Variants in NOVA1 observed in about 807,000 individuals in gnomAD.
NOVA1 encodes RNA-binding protein Nova-1.
In NOVA1, 7 loss-of-function variants were observed where a neutral mutation model predicts 38.0. The ratio of observed to expected loss-of-function variants is 0.18; its 90% CI spans 0.10 to 0.35. NOVA1 has a LOEUF of 0.35. Ranked by LOEUF, NOVA1 falls within the 10% of genes least tolerant of loss-of-function variation. The pLI is 1.00. For missense variants in NOVA1, 460 were observed against 616.0 expected (o/e 0.75, Z 2.68); for synonymous variants, 270 against 232.5 (o/e 1.16, Z -1.47).
At chr14:26,596,106 G>T in intron 1 of NOVA1, 1 of 234,090 alleles carries the variant, frequency 4.3e-6, no homozygotes. Context: ...CAAACTGTGG[G>T]GTGTATTCCA....
chr14:26,537,324 G>T (rs1436963188), intron 2 of NOVA1, among the ~76,000 whole-genome samples: 1 of 151,754 alleles, frequency 6.6e-6, no homozygotes, highest in Non-Finnish European at 1.5e-5. Context: ...AATCAAACTA[G>T]AAATAAACTT....
At chr14:26,572,773 T>A (rs1892572024) in intron 2 of NOVA1, among the ~76,000 whole-genome samples, 1 of 151,636 alleles carries the variant, frequency 6.6e-6, no homozygotes, top group African/African-American at 2.4e-5. Context: ...TGTATGTGTG[T>A]CTGTACGTTT....
At chr14:26,450,986 A>T (rs1306219468) in intron 4 of NOVA1, among the ~76,000 whole-genome samples, 1 of 152,138 alleles carries the variant, frequency 6.6e-6, no homozygotes, top group Non-Finnish European at 1.5e-5. Flanking sequence ...CTTTTAAAAG[A>T]GCTAGTCTTA....
At chr14:26,585,591 A>C (rs893994049) in intron 2 of NOVA1, among the ~76,000 whole-genome samples, 17 of 151,490 alleles carry the variant, frequency 1.1e-4, no homozygotes, top group Admixed American at 1.1e-3. Flanking sequence ...ACATATGGCC[A>C]TGTGGCCATA....
intron 2 of NOVA1, among the ~76,000 whole-genome samples, chr14:26,535,476 T>C (rs1047091000): frequency 2.6e-5 from 4 of 152,162 alleles, no homozygotes; most frequent in Admixed American, 1.3e-4. Context: ...GTAGATACTT[T>C]ACAATACAGA....
intron 4 of NOVA1, among the ~76,000 whole-genome samples, chr14:26,464,151 C>T (rs1566443582): frequency 6.6e-6 from 1 of 152,138 alleles, no homozygotes; most frequent in African/African-American, 2.4e-5. Context: ...CTTTATCATA[C>T]ATTAAGTTCC....
In NOVA1 at chr14:26,522,014, A is replaced by G. The variant is rs147478287; in HGVS notation, c.281-41871T>C. On this transcript the variant is annotated intron_variant, in intron 2 of 4. Transcript: ENST00000539517. ...ATTGTTCACCTGTTAATACTGATCT[A>G]GAATGAAATCTTATGTATTTTATTT... is the stretch of plus-strand genomic sequence containing the variant. Among the ~76,000 whole-genome samples, 128 of 152,232 alleles carry G rather than the reference A, an allele frequency of 8.4e-4. 1 individual carries two copies. Among genetic ancestry groups the G allele is most frequent in the African/African-American group, 2.9e-3 (122 of 41,572 alleles).
At chr14:26,591,631 T>A (rs1308489434) in intron 2 of NOVA1, among the ~76,000 whole-genome samples, 5 of 151,646 alleles carry the variant, frequency 3.3e-5, no homozygotes, top group Non-Finnish European at 7.4e-5. Context: ...TGTTTTAAAT[T>A]CATTATCTCC....
chr14:26,478,926 A>T (rs1885210424), intron 3 of NOVA1: 1 of 151,862 alleles, frequency 6.6e-6, no homozygotes. Context: ...TATATTGCCT[A>T]ATTATCAATT....
intron 1 of NOVA1, chr14:26,596,750 G>A (rs547342257): frequency 1.6e-6 from 2 of 1,259,768 alleles, no homozygotes; most frequent in South Asian, 2.6e-5. Flanking sequence ...TGAAATATTT[G>A]CACCGACAAT....
intron 2 of NOVA1, among the ~76,000 whole-genome samples, chr14:26,530,076 C>T (rs577711695): frequency 4.8e-4 from 73 of 152,244 alleles, no homozygotes; most frequent in Admixed American, 1.9e-3. Context: ...CCCGCCACCA[C>T]GCCTGGCTAA....
chr14:26,515,123 T>C (rs948227060), intron 2 of NOVA1, among the ~76,000 whole-genome samples: 3 of 152,076 alleles, frequency 2.0e-5, no homozygotes, highest in Non-Finnish European at 2.9e-5. Flanking sequence ...ATTTACTATA[T>C]TGAACCATGA....
At chr14:26,472,451 A>C in intron 3 of NOVA1, 60 bp from the exon 4 acceptor site, 1 of 625,528 alleles carries the variant, frequency 1.6e-6, no homozygotes, top group Non-Finnish European at 2.5e-6. Flanking sequence ...CTGATTATTT[A>C]AATAAAACAA....
At chr14:26,595,023 C>T (rs538276970) in intron 2 of NOVA1, among the ~76,000 whole-genome samples, 1 of 152,004 alleles carries the variant, frequency 6.6e-6, no homozygotes, top group Non-Finnish European at 1.5e-5. Flanking sequence ...AAGAAGCCTC[C>T]CTACCCCCCT....
At chr14:26,511,223 C>T (rs1419869052) in intron 2 of NOVA1, among the ~76,000 whole-genome samples, 1 of 152,024 alleles carries the variant, frequency 6.6e-6, no homozygotes, top group East Asian at 1.9e-4. Flanking sequence ...ACAGGCATGG[C>T]TAAGTTCCCC....
intron 2 of NOVA1, among the ~76,000 whole-genome samples, chr14:26,576,152 T>C (rs940014777): frequency 2.0e-5 from 3 of 151,888 alleles, no homozygotes; most frequent in Non-Finnish European, 4.4e-5. Context: ...TCATCTACAA[T>C]GTGTGTGTAT....
chr14:26,543,772 T>G (rs1306666653), intron 2 of NOVA1, among the ~76,000 whole-genome samples: 1 of 151,990 alleles, frequency 6.6e-6, no homozygotes, highest in Admixed American at 6.6e-5. Context: ...TTGTCTCAGT[T>G]TCAGCCAATG....
chr14:26,564,690 A>G (rs1007213457), intron 2 of NOVA1, among the ~76,000 whole-genome samples: 5 of 151,938 alleles, frequency 3.3e-5, no homozygotes, highest in African/African-American at 1.2e-4. Flanking sequence ...AAGAGACAAG[A>G]CAGAAATTCA....
intron 2 of NOVA1, among the ~76,000 whole-genome samples, chr14:26,566,806 C>T (rs1180510629): frequency 6.6e-6 from 1 of 152,086 alleles, no homozygotes; most frequent in Non-Finnish European, 1.5e-5. Context: ...ATAAGGAAAA[C>T]ATATTACTAT....
Sources: allele counts gnomAD v4.1 joint callset (sites outside exome capture counted in the v4.1 genomes callset), GRCh38; gene constraint gnomAD v4.1.1; transcripts MANE v1.5; gene names NCBI Gene and HGNC (gene_info 2026-07-23, HGNC 2026-07-21).